DOCK3: variants seen among roughly 807,000 people sequenced by gnomAD.
DOCK3 encodes the protein dedicator of cytokinesis 3, also known as dedicator of cytokinesis protein 3.
Under a neutral mutation model 265.6 loss-of-function variants are expected in DOCK3, and 60 were observed. The ratio of observed to expected loss-of-function variants is 0.23; its 90% CI spans 0.18 to 0.28. The LOEUF is 0.28. Ranked by LOEUF, DOCK3 falls within the 10% of genes least tolerant of loss-of-function variation. The pLI is 1.00. For synonymous variants in DOCK3, 881 were observed against 938.0 expected (o/e 0.94, Z 1.11); for missense variants, 1,981 against 2,594.3 (o/e 0.76, Z 5.14).
intron 1 of DOCK3, among the ~76,000 whole-genome samples, chr3:50,734,893 G>A (rs1282071200): frequency 6.6e-6 from 1 of 152,048 alleles, no homozygotes; most frequent in African/African-American, 2.4e-5. Flanking sequence ...GTCAGCCACC[G>A]CGCCCAGCCT....
rs960752143 is a variant in DOCK3 at position 50,823,556 on chromosome 3, A to G, written c.122-18119A>G. On this transcript the variant is annotated intron_variant, in intron 2 of 52. Coordinates refer to ENST00000266037, the MANE Select transcript of DOCK3 (RefSeq NM_004947.5). ...TACAGAACAAAATGAAAAGTCTCCC[A>G]TGTCTACCTCTTTCTACACAGACAC... Among the ~76,000 whole-genome samples the G allele has an allele frequency of 1.3e-4, 20 of 152,294 alleles. 1 individual carries two copies. Among genetic ancestry groups the G allele is most frequent in the Admixed American group, 6.5e-4 (10 of 15,302 alleles).
At chr3:50,842,771 A>C (rs1164114790) in intron 3 of DOCK3, among the ~76,000 whole-genome samples, 1 of 152,200 alleles carries the variant, frequency 6.6e-6, no homozygotes, top group Non-Finnish European at 1.5e-5. Flanking sequence ...ATTTTGAAAT[A>C]CATTCATGAA....
intron 49 of DOCK3, among the ~76,000 whole-genome samples, chr3:51,362,882 C>T (rs921699180): frequency 5.3e-5 from 8 of 152,230 alleles, no homozygotes; most frequent in African/African-American, 7.2e-5. Context: ...CAGTGGCTGC[C>T]GCTGTGCCGC....
intron 32 of DOCK3, among the ~76,000 whole-genome samples, chr3:51,318,657 G>T (rs1003019083): frequency 6.6e-6 from 1 of 151,840 alleles, no homozygotes; most frequent in Admixed American, 6.6e-5. Flanking sequence ...ACATGAACTT[G>T]AAAACAATGG....
chr3:50,881,844 C>T (rs1041331016), intron 3 of DOCK3, among the ~76,000 whole-genome samples: 5 of 152,208 alleles, frequency 3.3e-5, no homozygotes, highest in East Asian at 1.9e-4. Flanking sequence ...CTGGAGGCAT[C>T]ATGCTACCTT....
At chr3:51,073,290 A>T (rs2081949992) in intron 6 of DOCK3, among the ~76,000 whole-genome samples, 1 of 146,100 alleles carries the variant, frequency 6.8e-6, no homozygotes, top group Non-Finnish European at 1.5e-5. Flanking sequence ...TATTTTAAAT[A>T]TTTGAAATTA....
intron 3 of DOCK3, among the ~76,000 whole-genome samples, chr3:50,881,030 A>G (rs1177943279): frequency 6.6e-6 from 1 of 152,260 alleles, no homozygotes; most frequent in Admixed American, 6.5e-5. Context: ...CAAAATCCAC[A>G]TGATTATCTC....
intron 12 of DOCK3, among the ~76,000 whole-genome samples, chr3:51,169,184 C>T (rs2086552444): frequency 6.6e-6 from 1 of 152,172 alleles, no homozygotes; most frequent in Non-Finnish European, 1.5e-5. Context: ...ATGTTGATTC[C>T]TCAAAAACCT....
chr3:50,958,258 C>T (rs1054277832), intron 5 of DOCK3, among the ~76,000 whole-genome samples: 1 of 152,172 alleles, frequency 6.6e-6, no homozygotes, highest in African/African-American at 2.4e-5. Flanking sequence ...AGAATAGCTG[C>T]ACCTTCAGTT....
At chr3:51,345,884 C>T (rs1177318769) in intron 38 of DOCK3, among the ~76,000 whole-genome samples, 1 of 151,992 alleles carries the variant, frequency 6.6e-6, no homozygotes, top group Non-Finnish European at 1.5e-5. Flanking sequence ...GAAATATTTA[C>T]CGGTGAAATT....
At chr3:51,342,163 T>C (rs73837433) in intron 38 of DOCK3, among the ~76,000 whole-genome samples, 5,078 of 152,318 alleles carry the variant, frequency 0.033, 306 homozygotes, top group African/African-American at 0.11. Context: ...GATGAGTTTT[T>C]TCATCAAAAA....
chr3:51,240,109 G>GCCTCC (rs1490234425), intron 21 of DOCK3, among the ~76,000 whole-genome samples: 1 of 152,120 alleles, frequency 6.6e-6, no homozygotes, highest in Non-Finnish European at 1.5e-5. Flanking sequence ...TCTTAACAAT[G>GCCTCC]CCTTACCTGT....
intron 9 of DOCK3, among the ~76,000 whole-genome samples, chr3:51,093,296 T>A (rs527296688): frequency 6.6e-6 from 1 of 152,326 alleles, no homozygotes; most frequent in South Asian, 2.1e-4. Context: ...TTATATTGAT[T>A]CTTCCCATCC....
intron 23 of DOCK3, among the ~76,000 whole-genome samples, chr3:51,268,539 C>T (rs1236612900): frequency 1.3e-5 from 2 of 152,208 alleles, no homozygotes; most frequent in African/African-American, 4.8e-5. Context: ...GACAGCCTCT[C>T]TCATGTCCAG....
chr3:50,778,187 G>T (rs1429928337), intron 1 of DOCK3, among the ~76,000 whole-genome samples: 1 of 151,896 alleles, frequency 6.6e-6, no homozygotes, highest in African/African-American at 2.4e-5. Context: ...GATTTTTTCT[G>T]TTGTGCATAT....
chr3:51,310,743 T>C, intron 28 of DOCK3, among the ~76,000 whole-genome samples: 1 of 152,216 alleles, frequency 6.6e-6, no homozygotes, highest in Non-Finnish European at 1.5e-5. Flanking sequence ...ATTACTGACA[T>C]AGAATTTACT....
At chr3:51,018,547 T>C (rs2079454462) in intron 5 of DOCK3, among the ~76,000 whole-genome samples, 1 of 151,672 alleles carries the variant, frequency 6.6e-6, no homozygotes, top group Non-Finnish European at 1.5e-5. Flanking sequence ...ATGTAAAATA[T>C]TTCAGATTTT....
At chr3:51,053,086 T>TATATATAG (rs2081059159) in intron 5 of DOCK3, among the ~76,000 whole-genome samples, 1 of 64,482 alleles carries the variant, frequency 1.6e-5, no homozygotes, top group African/African-American at 6.1e-5. Flanking sequence ...AAGATATATA[T>TATATATAG]ATATATATAT....
chr3:51,014,561 A>G (rs1195540991), intron 5 of DOCK3, among the ~76,000 whole-genome samples: 2 of 151,878 alleles, frequency 1.3e-5, no homozygotes, highest in African/African-American at 2.4e-5. Flanking sequence ...AATCTCTTAA[A>G]TATAAAATTA....
Sources: allele counts gnomAD v4.1 joint callset (sites outside exome capture counted in the v4.1 genomes callset), GRCh38; gene constraint gnomAD v4.1.1; transcripts MANE v1.5; gene names NCBI Gene and HGNC (gene_info 2026-07-23, HGNC 2026-07-21).